The following GLRX3 variants were observed in gnomAD, a reference collection of about 807,000 sequenced individuals.
GLRX3 encodes the protein glutaredoxin 3.
GLRX3 carries 22 observed loss-of-function variants against 49.5 expected under a neutral mutation model. The observed-to-expected ratio is 0.44, with a 90% confidence interval of 0.32 to 0.63. The LOEUF (loss-of-function observed/expected upper bound fraction) is 0.63, where lower values mean the gene tolerates loss of function less well. GLRX3 is among the 30% of genes least tolerant of loss of function. The pLI is 0.05. For synonymous variants in GLRX3, 133 were observed against 140.0 expected, an observed-to-expected ratio of 0.95 and a Z score of 0.35; for missense variants, 385 against 396.3, an observed-to-expected ratio of 0.97 and a Z score of 0.24.
chr10:130,138,136 A>G (rs1040489437), intron 1 of GLRX3, among the ~76,000 whole-genome samples: 2 of 151,942 alleles, frequency 1.3e-5, no homozygotes, highest in African/African-American at 4.8e-5. Flanking sequence ...GGCTCACTGC[A>G]GCCTCTACCT....
chr10:130,159,446 T>C (rs1862535084), intron 2 of GLRX3, among the ~76,000 whole-genome samples: 2 of 152,240 alleles, frequency 1.3e-5, no homozygotes, highest in South Asian at 2.1e-4. Flanking sequence ...TAGCAAGATA[T>C]CTGCCTAGTG....
intron 1 of GLRX3, among the ~76,000 whole-genome samples, chr10:130,144,479 C>T (rs1278539076): frequency 6.6e-6 from 1 of 151,414 alleles, no homozygotes; most frequent in Non-Finnish European, 1.5e-5. Context: ...CCCTGACAGG[C>T]CCTGGTATGT....
At chr10:130,163,240 C>T (rs1862610663) in intron 4 of GLRX3, among the ~76,000 whole-genome samples, 1 of 151,992 alleles carries the variant, frequency 6.6e-6, no homozygotes, top group Non-Finnish European at 1.5e-5. Flanking sequence ...GCCTGGCCAA[C>T]ATGGCGAAAC....
intron 1 of GLRX3, 93 bp downstream of exon 1, chr10:130,136,605 C>G (rs1234138076): frequency 1.6e-5 from 20 of 1,221,050 alleles, no homozygotes; most frequent in Non-Finnish European, 2.0e-5. Flanking sequence ...CCCAGCCTGG[C>G]TTCTTGGTGC....
chr10:130,166,244 C>CTTTT (rs58269012), intron 4 of GLRX3, among the ~76,000 whole-genome samples: 1 of 139,458 alleles, frequency 7.2e-6, no homozygotes, highest in Non-Finnish European at 1.6e-5. Flanking sequence ...ACACACACCA[C>CTTTT]TTTTTTTTTT....
intron 2 of GLRX3, among the ~76,000 whole-genome samples, chr10:130,150,456 A>G (rs563909468): frequency 2.6e-4 from 40 of 152,174 alleles, no homozygotes; most frequent in Admixed American, 9.2e-4. Flanking sequence ...ATTTTATACT[A>G]TTGTATTTCA....
chr10:130,161,624 T>C (rs1862578178), intron 4 of GLRX3, among the ~76,000 whole-genome samples: 2 of 152,242 alleles, frequency 1.3e-5, no homozygotes, highest in Non-Finnish European at 1.5e-5. Flanking sequence ...CTTATAATTT[T>C]GTCCTTAAGT....
At chr10:130,157,724 A>G (rs184955682) in intron 2 of GLRX3, among the ~76,000 whole-genome samples, 8 of 151,976 alleles carry the variant, frequency 5.3e-5, no homozygotes, top group Admixed American at 5.2e-4. Context: ...ACATGCTAAA[A>G]TTTCGCACCT....
chr10:130,144,671 G>GTA (rs1466006019), intron 1 of GLRX3, among the ~76,000 whole-genome samples: 6 of 152,140 alleles, frequency 3.9e-5, no homozygotes, highest in Non-Finnish European at 8.8e-5. Flanking sequence ...GTATTCCATG[G>GTA]TATATATGTG....
chr10:130,166,857 G>T (rs1862701131), intron 5 of GLRX3, 62 bp from the exon 6 acceptor site: 2 of 1,114,110 alleles, frequency 1.8e-6, no homozygotes, highest in Non-Finnish European at 2.7e-6. Context: ...GTTATGGTAT[G>T]ATCAAGGAGA....
intron 2 of GLRX3, among the ~76,000 whole-genome samples, chr10:130,154,368 G>C (rs1862435848): frequency 6.6e-6 from 1 of 152,052 alleles, no homozygotes; most frequent in Non-Finnish European, 1.5e-5. Context: ...CCAATAAGAT[G>C]AACCCGGTAT....
intron 1 of GLRX3, among the ~76,000 whole-genome samples, chr10:130,137,920 G>C (rs887028651): frequency 3.4e-4 from 51 of 151,822 alleles, no homozygotes; most frequent in Non-Finnish European, 5.0e-4. Flanking sequence ...TTTTTTTATA[G>C]AGACGAGGTC....
chr10:130,169,733 G>A (rs1265872992), intron 7 of GLRX3, among the ~76,000 whole-genome samples: 2 of 152,212 alleles, frequency 1.3e-5, no homozygotes, highest in Admixed American at 1.3e-4. Context: ...AGCTAATGTG[G>A]TCAACACTGT....
intron 2 of GLRX3, among the ~76,000 whole-genome samples, chr10:130,149,461 G>A: frequency 6.6e-6 from 1 of 150,788 alleles, no homozygotes; most frequent in Admixed American, 6.6e-5. Flanking sequence ...AAACAAAACA[G>A]GAAAAGTCTT....
chr10:130,179,357 G>C lies in GLRX3; in HGVS notation c.973G>C (p.Gly325Arg), dbSNP rs749607614. The change falls in exon 11 of 11, where the codon GGT becomes CGT. Residue 325 changes from glycine to arginine, a missense_variant. Coordinates refer to ENST00000331244, the MANE Select transcript of GLRX3 (RefSeq NM_006541.5). ...TTATTTTTAGGAACTGAAAGAAAATGGTGAATTGCTGCCTATACTGAGAGG... is the reference window on the plus strand; with the variant it reads ...TTATTTTTAGGAACTGAAAGAAAATCGTGAATTGCTGCCTATACTGAGAGG... Reference protein sequence around the residue: ...LDIVKELKENGELLPILRGEN With the variant: ...LDIVKELKENRELLPILRGEN 1 of 1,450,788 alleles carries C rather than the reference G, an allele frequency of 6.9e-7. No homozygotes were observed. Among genetic ancestry groups the C allele is most frequent in the South Asian group, 1.2e-5 (1 of 81,870 alleles). 89.9% of individuals were successfully genotyped at this position (1,450,788 alleles called of 1,614,324 possible).
Position 130,171,630 on chromosome 10 carries a change from G to A in GLRX3, c.818G>A (p.Ser273Asn). ...FSKQILEILN[S>N]TGVEYETFDI... Reference sequence around the variant, plus strand: ...AAACAAATTCTGGAAATACTAAATAGTACTGGGTATGTAAATGTTGTTTTC... The same window carrying A: ...AAACAAATTCTGGAAATACTAAATAATACTGGGTATGTAAATGTTGTTTTC... Residue 273 changes from serine (S) to asparagine (N), a missense_variant, in exon 8 of 11, where the codon AGT (serine) becomes AAT (asparagine). Physicochemically the swap from Ser to Asn is conservative, Grantham distance 46. This residue lies in a region of GLRX3 where 374 missense variants were observed against 358.6 expected (regional missense o/e 1.04). Transcript: ENST00000331244. 6.7e-7 allele frequency: 1 copy of A among 1,498,784 alleles called. No individual in the cohort carries two copies. The highest frequency in any genetic ancestry group is 9.3e-7 in the Non-Finnish European group (1 of 1,075,224). 92.8% of individuals were successfully genotyped at this position (1,498,784 alleles called of 1,614,324 possible).
chr10:130,162,551 T>G (rs1472592264), intron 4 of GLRX3, among the ~76,000 whole-genome samples: 1 of 152,210 alleles, frequency 6.6e-6, no homozygotes, highest in Admixed American at 6.5e-5. Context: ...GTTGAATGGA[T>G]TGTATTCAGC....
chr10:130,176,057 T>TA, intron 10 of GLRX3, among the ~76,000 whole-genome samples: 1 of 152,308 alleles, frequency 6.6e-6, no homozygotes, highest in East Asian at 1.9e-4. Flanking sequence ...TTCGACTTTT[T>TA]ATGTGGAAAA....
At chr10:130,171,533 C>T in intron 7 of GLRX3, 51 bp from the exon 8 acceptor site, 1 of 956,554 alleles carries the variant, frequency 1.0e-6, no homozygotes, top group Non-Finnish European at 1.7e-6. Context: ...TACAACCATG[C>T]TGCTTGGGTC....
Sources: gnomAD v4.1 joint callset for allele counts (sites outside exome capture counted in the v4.1 genomes callset) on GRCh38, gnomAD v4.1.1 for gene constraint, gnomAD v4.1.1 regional missense constraint, MANE v1.5 for transcripts, NCBI Gene and HGNC (gene_info 2026-07-23, HGNC 2026-07-21) for gene names.